RPS8: variants seen among roughly 807,000 people sequenced by gnomAD.
RPS8 encodes the protein ribosomal protein S8, also known as small ribosomal subunit protein eS8.
For synonymous variants in RPS8, 100 were observed against 100.7 expected, an observed-to-expected ratio of 0.99 and a Z score of 0.04; for missense variants, 141 against 269.7, an observed-to-expected ratio of 0.52 and a Z score of 3.34.
At chr1:44,777,532 C>T (rs1650900015) in intron 3 of RPS8, 82 bp from the exon 4 acceptor site, 1 of 1,145,620 alleles carries the variant, frequency 8.7e-7, no homozygotes, top group African/African-American at 1.5e-5. Flanking sequence ...CTTAAGGCCT[C>T]ATGGGGCTGA....
chr1:44,778,434 T>G, intron 5 of RPS8, 142 bp from the exon 6 acceptor site: 1 of 822,298 alleles, frequency 1.2e-6, no homozygotes. Context: ...TGACAGTAAG[T>G]GAAGATAAAG....
At chr1:44,778,405 C>T (rs2148843733) in intron 5 of RPS8, 171 bp from the exon 6 acceptor site, 1 of 811,768 alleles carries the variant, frequency 1.2e-6, no homozygotes, top group Non-Finnish European at 2.2e-6. Flanking sequence ...GTGATGAAAA[C>T]TTTGTCCAGT....
At chr1:44,777,566 G>A in intron 3 of RPS8, 48 bp from the exon 4 acceptor site, 1 of 1,490,470 alleles carries the variant, frequency 6.7e-7, no homozygotes, top group South Asian at 1.2e-5. Flanking sequence ...GTGTGCCAGG[G>A]CCATTTGTCC....
At chr1:44,775,627 G>A (rs1376140028) in intron 1 of RPS8, 27 bp downstream of exon 1, 2 of 1,613,978 alleles carry the variant, frequency 1.2e-6, no homozygotes, top group Admixed American at 1.7e-5. Context: ...ATTGAGGCGG[G>A]TGAAGGGAGG....
At chr1:44,776,517 G>A in intron 2 of RPS8, 158 bp from the exon 3 acceptor site, 1 of 774,922 alleles carries the variant, frequency 1.3e-6, no homozygotes, top group Non-Finnish European at 2.4e-6. Context: ...AGAATCCTTA[G>A]GCGTGGTTGT....
chr1:44,777,634 A>G lies in RPS8; in HGVS notation c.232A>G (p.Ile78Val), dbSNP rs768497991. ...AGCAGGTTGTACTCGTAAAACAAGGATCATCGATGTTGTCTACAATGCATC... is the reference window on the plus strand; with the variant it reads ...AGCAGGTTGTACTCGTAAAACAAGGGTCATCGATGTTGTCTACAATGCATC... ...GSECCTRKTR[I>V]IDVVYNASNN... The change falls in exon 4 of 6, where the codon ATC becomes GTC. Residue 78 changes from isoleucine to valine, a missense_variant. Ile to Val is a conservative substitution (Grantham distance 29). Transcript: ENST00000396651. The G allele has an allele frequency of 1.2e-6, 2 of 1,613,882 alleles. No homozygotes were observed. The highest frequency in any genetic ancestry group is 2.2e-5 in the South Asian group (2 of 91,074).
At chr1:44,776,820 G>A (rs568035476) in intron 3 of RPS8, 46 bp downstream of exon 3, 1 of 1,436,948 alleles carries the variant, frequency 7.0e-7, no homozygotes, top group South Asian at 1.2e-5. Context: ...CACCTAAACG[G>A]TCTTAAGATT....
At chr1:44,777,561 C>T (rs1432093551) in intron 3 of RPS8, 53 bp from the exon 4 acceptor site, 2 of 1,448,740 alleles carry the variant, frequency 1.4e-6, no homozygotes, top group Non-Finnish European at 1.9e-6. Flanking sequence ...GAGGAGTGTG[C>T]CAGGGCCATT....
chr1:44,775,989 C>T (rs1482293810), intron 1 of RPS8, 45 bp from the exon 2 acceptor site: 1 of 1,576,620 alleles, frequency 6.3e-7, no homozygotes, highest in Admixed American at 1.7e-5. Context: ...GTCGCTAGCA[C>T]CGAGTCACAG....
Position 44,775,589 on chromosome 1 carries a change from G to A in RPS8, c.-8G>A, listed in dbSNP as rs768784850. ...TTTGCGGTTTCTCTTTCCAGCCAGC[G>A]CCGAGCGATGGGTGAGTGTCGCTCT... On this transcript the variant is annotated 5_prime_UTR_variant, in exon 1 of 6. Coordinates refer to ENST00000396651, the MANE Select transcript of RPS8 (RefSeq NM_001012.2). 1.9e-6 allele frequency: 3 copies of A among 1,614,010 alleles called. No homozygotes were observed. Among genetic ancestry groups the A allele is most frequent in the Non-Finnish European group, 2.5e-6 (3 of 1,179,992 alleles).
At chr1:44,778,531 AG>A (rs1450662114) in intron 5 of RPS8, 44 bp from the exon 6 acceptor site, 1 of 1,505,128 alleles carries the variant, frequency 6.6e-7, no homozygotes, top group Non-Finnish European at 9.3e-7. Context: ...AGGTTTGGGT[AG>A]GGCCACCTTG....
rs1200667088 is a variant in RPS8 at position 44,776,076 on chromosome 1, G to T, written c.47G>T (p.Gly16Val). ...DNWHKRRKTG[G>V]KRKPYHKKRK... The stretch of plus-strand genomic sequence containing the variant: ...TGGCACAAGCGCCGCAAAACCGGGG[G>T]CAAGAGAAAGCCCTACCACAAGAAG... Residue 16 changes from glycine (G) to valine (V), a missense_variant, in exon 2 of 6, where the codon GGC becomes GTC. Coordinates refer to ENST00000396651, the MANE Select transcript of RPS8 (RefSeq NM_001012.2). 1 of 1,611,322 alleles carries T rather than the reference G, an allele frequency of 6.2e-7. No homozygotes were observed.
At position 44,776,703 on chromosome 1, in the gene RPS8, G is replaced by C; in HGVS notation, c.140G>C (p.Arg47Pro). 6.2e-7 allele frequency: 1 copy of C among 1,613,912 alleles called. No homozygotes were observed. The highest frequency in any genetic ancestry group is 8.5e-7 in the Non-Finnish European group (1 of 1,179,932). ...KIGPRRIHTVRVRGGNKKYRA... is the reference protein window; with the variant it reads ...KIGPRRIHTVPVRGGNKKYRA... Reference sequence around the variant, plus strand: ...GGCCCCCGCCGCATCCACACAGTCCGTGTGCGGGGAGGTAACAAGAAATAC... The same window carrying C: ...GGCCCCCGCCGCATCCACACAGTCCCTGTGCGGGGAGGTAACAAGAAATAC... Residue 47 changes from arginine (R) to proline (P), a missense_variant, in exon 3 of 6, where the codon CGT (arginine) becomes CCT (proline). Coordinates refer to ENST00000396651, the MANE Select transcript of RPS8 (RefSeq NM_001012.2).
intron 5 of RPS8, chr1:44,778,372 C>A: frequency 1.3e-6 from 1 of 794,778 alleles, no homozygotes; most frequent in South Asian, 1.3e-5. Context: ...GAAGTCTCTG[C>A]CCAGGCTGAG....
At chr1:44,777,529 C>T (rs1342716146) in intron 3 of RPS8, 85 bp from the exon 4 acceptor site, 1 of 1,063,942 alleles carries the variant, frequency 9.4e-7, no homozygotes, top group Non-Finnish European at 1.4e-6. Context: ...CTCCTTAAGG[C>T]CTCATGGGGC....
intron 1 of RPS8, 59 bp downstream of exon 1, chr1:44,775,659 C>T (rs1650818750): frequency 1.9e-6 from 3 of 1,607,450 alleles, no homozygotes; most frequent in Non-Finnish European, 2.6e-6. Context: ...CAGGCCCCAT[C>T]CTGCTTCACA....
chr1:44,777,928 G>C (rs1302910919), intron 4 of RPS8, 72 bp from the exon 5 acceptor site: 6 of 1,596,116 alleles, frequency 3.8e-6, no homozygotes, highest in Non-Finnish European at 5.2e-6. Flanking sequence ...GCACTGGGGT[G>C]TGCAGGGTTC....
chr1:44,775,651 G>A, intron 1 of RPS8, 51 bp downstream of exon 1: 1 of 1,611,810 alleles, frequency 6.2e-7, no homozygotes. Context: ...AGCTCAATCA[G>A]GCCCCATCCT....
chr1:44,776,664 G>A lies in RPS8; in HGVS notation c.112-11G>A, dbSNP rs189273957. 7.4e-6 allele frequency: 12 copies of A among 1,612,750 alleles called. No individual in the cohort carries two copies. Among genetic ancestry groups the A allele is most frequent in the Admixed American group, 6.7e-5 (4 of 59,972 alleles). ...TTGGTAACCTAGTTCCTGTAACCTT[G>A]TGTTTTCCAGATTGGCCCCCGCCGC... On this transcript the variant is annotated splice_polypyrimidine_tract_variant and intron_variant, in intron 2 of 5. Coordinates refer to ENST00000396651, the MANE Select transcript of RPS8 (RefSeq NM_001012.2).
Sources: allele counts gnomAD v4.1 joint callset, GRCh38; gene constraint gnomAD v4.1.1; transcripts MANE v1.5; gene names NCBI Gene and HGNC (gene_info 2026-07-23, HGNC 2026-07-21).